MYO3A: variants seen among roughly 807,000 people sequenced by gnomAD.
MYO3A encodes myosin-IIIa.
In MYO3A, 180 loss-of-function variants were observed where a neutral mutation model predicts 192.7. The observed-to-expected ratio is 0.93, with a 90% CI of 0.83 to 1.06. The LOEUF is 1.06. Ranked by LOEUF, MYO3A falls within the 50% of genes least tolerant of loss-of-function variation. MYO3A has a pLI of 0.00. For synonymous variants in MYO3A, 628 were observed against 645.3 expected, an observed-to-expected ratio of 0.97 and a Z score of 0.41; for missense variants, 1,896 against 1,905.0, an observed-to-expected ratio of 1.00 and a Z score of 0.09.
At chr10:25,983,314 G>A (rs1400205550) in intron 4 of MYO3A, among the ~76,000 whole-genome samples, 3 of 151,400 alleles carry the variant, frequency 2.0e-5, no homozygotes, top group Admixed American at 2.0e-4. Context: ...GGAGTGCAGT[G>A]GTGCGATCTC....
intron 4 of MYO3A, among the ~76,000 whole-genome samples, chr10:25,959,643 G>T (rs1279038813): frequency 6.6e-6 from 1 of 152,010 alleles, no homozygotes; most frequent in Non-Finnish European, 1.5e-5. Flanking sequence ...ACTGGTTCCT[G>T]GATCCCTTGG....
intron 10 of MYO3A, among the ~76,000 whole-genome samples, chr10:26,027,658 C>T (rs1842616542): frequency 6.6e-6 from 1 of 152,174 alleles, no homozygotes; most frequent in Admixed American, 6.5e-5. Context: ...CATTTTAAAA[C>T]ATTTTTAAAA....
chr10:26,198,252 G>A (rs892232738), intron 32 of MYO3A, among the ~76,000 whole-genome samples: 4 of 151,594 alleles, frequency 2.6e-5, no homozygotes, highest in Admixed American at 1.3e-4. Flanking sequence ...TATCTCTTAC[G>A]TCCAGGAAAT....
chr10:26,170,095 A>G (rs894805821), intron 28 of MYO3A, among the ~76,000 whole-genome samples: 11 of 152,246 alleles, frequency 7.2e-5, no homozygotes, highest in African/African-American at 2.7e-4. Context: ...TATGAAACAC[A>G]TAGCAAAAAA....
rs769260610 is a variant in MYO3A, at chr10:26,070,206, T to C, written c.1266T>C (p.Asn422=). 5 of 1,609,110 alleles carry C rather than the reference T, an allele frequency of 3.1e-6. No individual in the cohort carries two copies. In the South Asian group the frequency reaches 4.4e-5, roughly 14 times the overall value. The part of the protein sequence containing the change: ...DLGYQSMITY[N]SDQCIVISGE... ...GATATCAATCTATGATAACATATAA[T>C]TCAGATCAGGTAAGAAGAGTCTCCC... Residue 422 remains asparagine, a synonymous_variant, in exon 13 of 35, where the codon AAT becomes AAC. Coordinates refer to ENST00000642920, the MANE Select transcript of MYO3A (RefSeq NM_017433.5).
At chr10:26,137,435 G>A (rs1839916227) in intron 20 of MYO3A, among the ~76,000 whole-genome samples, 1 of 152,082 alleles carries the variant, frequency 6.6e-6, no homozygotes, top group Non-Finnish European at 1.5e-5. Flanking sequence ...TCTTAATCTT[G>A]TTATCTTTGT....
chr10:26,208,511 T>C (rs1844077561), intron 34 of MYO3A, among the ~76,000 whole-genome samples: 1 of 152,202 alleles, frequency 6.6e-6, no homozygotes, highest in East Asian at 1.9e-4. Context: ...ATCTAAGGCT[T>C]TGCAGTGTTG....
intron 6 of MYO3A, among the ~76,000 whole-genome samples, chr10:26,011,172 T>C (rs1841630025): frequency 6.6e-6 from 1 of 152,134 alleles, no homozygotes; most frequent in Admixed American, 6.6e-5. Context: ...CTCACACTTG[T>C]AATGCCAGCA....
At chr10:26,061,637 A>G (rs1221800471) in intron 10 of MYO3A, among the ~76,000 whole-genome samples, 3 of 152,232 alleles carry the variant, frequency 2.0e-5, no homozygotes, top group South Asian at 2.1e-4. Context: ...AAGTTGTACC[A>G]TAGAAGATAG....
chr10:26,062,530 A>AAACG (rs1554816583), intron 10 of MYO3A, among the ~76,000 whole-genome samples: 2 of 125,946 alleles, frequency 1.6e-5, no homozygotes, highest in Non-Finnish European at 3.4e-5. Context: ...AAAAAAAAAA[A>AAACG]AAATTATGGA....
At chr10:26,075,052 A>G (rs958901870) in intron 14 of MYO3A, among the ~76,000 whole-genome samples, 7 of 151,984 alleles carry the variant, frequency 4.6e-5, no homozygotes, top group Non-Finnish European at 1.0e-4. Flanking sequence ...TTGACCGTAA[A>G]TGTTTGGGTT....
chr10:26,159,445 C>T (rs1021859101), intron 26 of MYO3A, among the ~76,000 whole-genome samples: 3 of 150,502 alleles, frequency 2.0e-5, no homozygotes, highest in Non-Finnish European at 4.4e-5. Context: ...CTGCAAGCTC[C>T]GCTTCACAGT....
chr10:26,168,606 C>G, intron 27 of MYO3A, 106 bp from the exon 28 acceptor site: 3 of 1,210,450 alleles, frequency 2.5e-6, no homozygotes, highest in South Asian at 2.6e-5. Flanking sequence ...ACAGTGATTT[C>G]CAAAATCTCA....
At position 26,088,608 on chromosome 10, in the gene MYO3A, C is replaced by T. The variant is rs79215355; in HGVS notation, c.1562+203C>T. On this transcript the variant is annotated intron_variant, in intron 15 of 34. Coordinates refer to ENST00000642920, the MANE Select transcript of MYO3A (RefSeq NM_017433.5). ...ATCCAATAGAGGAATTAATGTATAA[C>T]CTAAAATTTATGCTGCCAGATAGAA... Among the ~76,000 whole-genome samples, 42 of 152,208 alleles carry T rather than the reference C, an allele frequency of 2.8e-4. No individual in the cohort carries two copies. The East Asian group carries it at 7.9e-3, about 29-fold the overall frequency.
At chr10:25,965,169 A>T (rs550780504) in intron 4 of MYO3A, among the ~76,000 whole-genome samples, 1 of 152,256 alleles carries the variant, frequency 6.6e-6, no homozygotes, top group South Asian at 2.1e-4. Context: ...ATTCTCTGTT[A>T]CTATTCCTTT....
intron 22 of MYO3A, among the ~76,000 whole-genome samples, chr10:26,146,131 T>C (rs1276764886): frequency 2.6e-5 from 4 of 152,164 alleles, no homozygotes; most frequent in East Asian, 1.9e-4. Flanking sequence ...TGTCTCTACA[T>C]TGACAGAAAC....
At chr10:26,001,430 GC>G (rs1272971186) in intron 6 of MYO3A, among the ~76,000 whole-genome samples, 5 of 152,214 alleles carry the variant, frequency 3.3e-5, no homozygotes, top group Non-Finnish European at 5.9e-5. Context: ...GGCCAGCTCT[GC>G]TGTGTCTAAA....
intron 26 of MYO3A, among the ~76,000 whole-genome samples, chr10:26,163,139 C>T (rs755213009): frequency 3.4e-4 from 51 of 152,122 alleles, no homozygotes; most frequent in Non-Finnish European, 6.0e-4. Flanking sequence ...TATAGGAGGG[C>T]AGAAGGGAGC....
chr10:26,147,411 T>C lies in MYO3A; in HGVS notation c.2506-19T>C. 2 of 1,604,814 alleles carry C rather than the reference T, an allele frequency of 1.2e-6. No individual in the cohort carries two copies. The highest frequency in any genetic ancestry group is 1.7e-6 in the Non-Finnish European group (2 of 1,171,724). On this transcript the variant is annotated intron_variant, in intron 22 of 34. Transcript: ENST00000642920. ...ACAATGACATTGATTGTGATAATTA[T>C]AGCATACTGTATCAACAGGTCCTCT...
Sources: allele counts gnomAD v4.1 joint callset (sites outside exome capture counted in the v4.1 genomes callset), GRCh38; gene constraint gnomAD v4.1.1; transcripts MANE v1.5; gene names NCBI Gene and HGNC (gene_info 2026-07-23, HGNC 2026-07-21).